ZNF232: variants seen among roughly 807,000 people sequenced by gnomAD.
ZNF232 encodes zinc finger and SCAN domain-containing protein 11.
In ZNF232, 25 loss-of-function variants were observed where a neutral mutation model predicts 25.2. That is an observed-to-expected ratio of 0.99 (90% CI 0.72 to 1.39). ZNF232 has a LOEUF of 1.39. Ranked by LOEUF, ZNF232 falls within the 40% of genes most tolerant of loss-of-function variation. The pLI is 0.00. For synonymous variants in ZNF232, 193 were observed against 182.9 expected, an observed-to-expected ratio of 1.06 and a Z score of -0.45; for missense variants, 519 against 520.9, an observed-to-expected ratio of 1.00 and a Z score of 0.04.
intron 1 of ZNF232, chr17:5,111,584 AAAGAG>A (rs1457742560): frequency 1.5e-6 from 1 of 663,104 alleles, no homozygotes; most frequent in Non-Finnish European, 2.5e-6. Flanking sequence ...GGTCTCGAGA[AAAGAG>A]AAGAGGAACA....
upstream of ZNF232, chr17:5,114,497 C>T (rs1193323845): frequency 6.6e-6 from 1 of 152,332 alleles, no homozygotes; most frequent in African/African-American, 2.4e-5. Flanking sequence ...TTTATAAGGC[C>T]TCTCTCTCAC....
chr17:5,113,747 A>G (rs1376794620), upstream of ZNF232: 1 of 152,160 alleles, frequency 6.6e-6, no homozygotes, highest in African/African-American at 2.4e-5. Flanking sequence ...AGGATATCAT[A>G]CCCATTTTAC....
At chr17:5,117,497 C>T (rs564284419) in intron 1 of ZNF232, among the ~76,000 whole-genome samples, 6 of 139,282 alleles carry the variant, frequency 4.3e-5, no homozygotes, top group Admixed American at 2.3e-4. Flanking sequence ...GCCTGGGCGA[C>T]AGAGCGAGAC....
intron 1 of ZNF232, chr17:5,121,280 G>A (rs58355473): frequency 0.029 from 10,456 of 359,310 alleles, 1,002 homozygotes; most frequent in African/African-American, 0.2. Flanking sequence ...GCCCCATAGA[G>A]GCCAGGGAGG....
exon 1 of ZNF232, chr17:5,122,986 C>T (rs1044106501): frequency 1.3e-5 from 2 of 152,836 alleles, no homozygotes; most frequent in Non-Finnish European, 2.9e-5. Flanking sequence ...CTGCAATCGT[C>T]CTCTCGTAGC....
At chr17:5,107,602 G>C (rs918807807) in intron 3 of ZNF232, among the ~76,000 whole-genome samples, 6 of 146,046 alleles carry the variant, frequency 4.1e-5, no homozygotes, top group African/African-American at 1.5e-4. Context: ...GTAGTGGCAT[G>C]ATCTTGGCTC....
At position 5,122,035 on chromosome 17, in the gene ZNF232, G is replaced by A. The variant is rs370167443; in HGVS notation, c.-530+942C>T. Among the ~76,000 whole-genome samples, 14 of 152,036 alleles carry A rather than the reference G, an allele frequency of 9.2e-5. No homozygotes were observed. In the South Asian group the frequency reaches 1.3e-3, roughly 14 times the overall value. ...ATATTTTAGAACATTCACTCTGGCT[G>A]CAGAGGGAGAAATGGATCAGAGGGG... On this transcript the variant is annotated intron_variant, in intron 1 of 4. Transcript: ENST00000250076.
intron 1 of ZNF232, among the ~76,000 whole-genome samples, chr17:5,117,237 C>G (rs11650393): frequency 0.75 from 114,401 of 152,138 alleles, 43,810 homozygotes; most frequent in Non-Finnish European, 0.81. Context: ...GCTCGATAAG[C>G]CTGGGCGAGG....
chr17:5,114,613 T>G (rs1597937964), upstream of ZNF232: 1 of 152,382 alleles, frequency 6.6e-6, no homozygotes, highest in South Asian at 2.1e-4. Flanking sequence ...GTGGATCAGC[T>G]GGGCTCAGGA....
chr17:5,110,765 C>G (rs140394236), intron 1 of ZNF232, among the ~76,000 whole-genome samples: 1 of 152,260 alleles, frequency 6.6e-6, no homozygotes, highest in Non-Finnish European at 1.5e-5. Context: ...TAGGTCTCAA[C>G]CAATTTAGGG....
exon 4 of ZNF232, chr17:5,105,862 G>A: frequency 1.2e-6 from 2 of 1,609,876 alleles, no homozygotes; most frequent in Non-Finnish European, 1.7e-6. Flanking sequence ...ACTCTCCGAT[G>A]TCTAATGAGC....
intron 1 of ZNF232, 78 bp from the exon 2 acceptor site, chr17:5,109,946 G>A: frequency 8.6e-6 from 12 of 1,390,048 alleles, no homozygotes; most frequent in South Asian, 4.4e-5. Context: ...CTGGAGTGCA[G>A]TGACATGATC....
At chr17:5,107,345 G>T (rs1328577675) in intron 3 of ZNF232, among the ~76,000 whole-genome samples, 1 of 117,414 alleles carries the variant, frequency 8.5e-6, no homozygotes, top group African/African-American at 3.3e-5. Context: ...CCGAGATCAC[G>T]CCACTGCACT....
chr17:5,106,002 G>T (rs2072251398), exon 4 of ZNF232: 1 of 1,613,956 alleles, frequency 6.2e-7, no homozygotes, highest in Non-Finnish European at 8.5e-7. Context: ...ACACTCATAG[G>T]GCTTCTCTCC....
chr17:5,108,328 T>C (rs2072312056), intron 3 of ZNF232, among the ~76,000 whole-genome samples: 1 of 152,118 alleles, frequency 6.6e-6, no homozygotes, highest in African/African-American at 2.4e-5. Context: ...GAGAGGTTGT[T>C]TGCAGGTATG....
chr17:5,112,757 T>A (rs374442430), upstream of ZNF232, among the ~76,000 whole-genome samples: 1 of 151,732 alleles, frequency 6.6e-6, no homozygotes, highest in Non-Finnish European at 1.5e-5. Flanking sequence ...TTTTATTTTT[T>A]TTTTGAGACA....
intron 1 of ZNF232, chr17:5,111,520 C>T: frequency 2.1e-6 from 1 of 486,230 alleles, no homozygotes; most frequent in Non-Finnish European, 3.6e-6. Flanking sequence ...GGGGAGGGGG[C>T]TGTCGTCCAG....
At chr17:5,108,781 C>T in intron 3 of ZNF232, 145 bp downstream of exon 3, 3 of 1,311,870 alleles carry the variant, frequency 2.3e-6, no homozygotes, top group Non-Finnish European at 2.1e-6. Flanking sequence ...GGCAAAGTCT[C>T]TCACCTAAGA....
At chr17:5,123,098 C>T (rs1217472034) in exon 1 of ZNF232, 4 of 153,342 alleles carry the variant, frequency 2.6e-5, no homozygotes, top group African/African-American at 9.7e-5. Flanking sequence ...CCATCCTTGT[C>T]GTCGTCGCGG....
Sources: gnomAD v4.1 joint callset for allele counts (sites outside exome capture counted in the v4.1 genomes callset) on GRCh38, gnomAD v4.1.1 for gene constraint, MANE v1.5 for transcripts, NCBI Gene and HGNC (gene_info 2026-07-23, HGNC 2026-07-21) for gene names.